The following PTPRD variants were observed in gnomAD, a reference collection of about 807,000 sequenced individuals.
PTPRD encodes protein tyrosine phosphatase receptor type D, also known as receptor-type tyrosine-protein phosphatase delta.
PTPRD carries 34 observed loss-of-function variants against 214.5 expected under a neutral mutation model. The observed-to-expected ratio is 0.16, with a 90% CI of 0.12 to 0.21. The LOEUF (loss-of-function observed/expected upper bound fraction) is 0.21, where lower values mean the gene tolerates loss of function less well. Among genes scored for constraint, PTPRD ranks in the 10% least tolerant of loss-of-function variants. The probability of loss-of-function intolerance (pLI) is 1.00; values close to 1 mark genes in which losing one functional copy is unlikely to be tolerated. For synonymous variants in PTPRD, 1,128 were observed against 845.7 expected, an observed-to-expected ratio of 1.33 and a Z score of -5.79; for missense variants, 2,545 against 2,398.7, an observed-to-expected ratio of 1.06 and a Z score of -1.27.
intron 7 of PTPRD, among the ~76,000 whole-genome samples, chr9:9,724,230 T>G (rs148473016): frequency 6.6e-6 from 1 of 152,174 alleles, no homozygotes; most frequent in Non-Finnish European, 1.5e-5. Context: ...TCAATGTACC[T>G]GTTCTTTTTT....
At chr9:9,482,827 G>A (rs564499621) in intron 8 of PTPRD, among the ~76,000 whole-genome samples, 19 of 152,204 alleles carry the variant, frequency 1.2e-4, no homozygotes, top group African/African-American at 4.3e-4. Context: ...TTTACTGAAG[G>A]ATTTAAATAG....
chr9:10,144,574 A>C (rs540182869), intron 3 of PTPRD, among the ~76,000 whole-genome samples: 2 of 152,212 alleles, frequency 1.3e-5, no homozygotes, highest in South Asian at 4.1e-4. Context: ...CCACACTCTC[A>C]TTAAAACAAT....
At chr9:9,655,784 C>A (rs1161848521) in intron 7 of PTPRD, among the ~76,000 whole-genome samples, 2 of 151,112 alleles carry the variant, frequency 1.3e-5, no homozygotes, top group African/African-American at 4.9e-5. Flanking sequence ...TTGAGACCAA[C>A]CTGGCCAGTA....
At chr9:10,134,257 C>G (rs910494449) in intron 3 of PTPRD, among the ~76,000 whole-genome samples, 1 of 152,130 alleles carries the variant, frequency 6.6e-6, no homozygotes, top group Non-Finnish European at 1.5e-5. Flanking sequence ...ATCTTTGGCT[C>G]TGGCTGCCCC....
intron 7 of PTPRD, among the ~76,000 whole-genome samples, chr9:9,683,538 T>G (rs1478146274): frequency 1.3e-5 from 2 of 151,576 alleles, no homozygotes; most frequent in Non-Finnish European, 3.0e-5. Context: ...GAAGCGACAA[T>G]GCATATAAAG....
chr9:9,504,686 C>G (rs2154233828), intron 8 of PTPRD, among the ~76,000 whole-genome samples: 1 of 151,590 alleles, frequency 6.6e-6, no homozygotes, highest in East Asian at 1.9e-4. Context: ...AAAACGCATC[C>G]AAGTCTGAAA....
In PTPRD at chr9:8,612,107, G is replaced by T. The variant is rs188412753; in HGVS notation, c.352+21210C>A. Among the ~76,000 whole-genome samples the T allele has an allele frequency of 3.4e-4, 51 of 151,462 alleles. No homozygotes were observed. In the East Asian group the frequency reaches 8.2e-3, roughly 24 times the overall value. Reference sequence around the variant, plus strand: ...CCTAAATATCAAGACCTTGTGAAAAGAAAAGAAAACAAAACAAAACAAAAC... The same window carrying T: ...CCTAAATATCAAGACCTTGTGAAAATAAAAGAAAACAAAACAAAACAAAAC... On this transcript the variant is annotated intron_variant, in intron 14 of 45. Transcript: ENST00000381196.
chr9:10,195,602 T>G (rs559597804), intron 3 of PTPRD, among the ~76,000 whole-genome samples: 1 of 152,204 alleles, frequency 6.6e-6, no homozygotes, highest in African/African-American at 2.4e-5. Flanking sequence ...CAGGTCAACT[T>G]TAGTATAAGG....
At chr9:9,866,539 G>A (rs1469693860) in intron 5 of PTPRD, among the ~76,000 whole-genome samples, 3 of 152,010 alleles carry the variant, frequency 2.0e-5, no homozygotes, top group Non-Finnish European at 4.4e-5. Flanking sequence ...CAGGTAATAA[G>A]ATTAGTTATA....
At chr9:9,106,668 T>C (rs1445434444) in intron 10 of PTPRD, among the ~76,000 whole-genome samples, 3 of 141,180 alleles carry the variant, frequency 2.1e-5, no homozygotes, top group East Asian at 4.2e-4. Flanking sequence ...CTAAGTTTAA[T>C]AGGTGTATAA....
intron 11 of PTPRD, among the ~76,000 whole-genome samples, chr9:8,857,400 T>A (rs1467224189): frequency 6.6e-6 from 1 of 152,064 alleles, no homozygotes; most frequent in Non-Finnish European, 1.5e-5. Context: ...TAGAGTCGCC[T>A]CTCTCCCGGG....
chr9:9,494,659 GAGA>G lies in PTPRD; in HGVS notation c.-237+80070_-237+80072del, dbSNP rs148761579. On this transcript the variant is annotated intron_variant, in intron 8 of 45. Coordinates refer to ENST00000381196, the MANE Select transcript of PTPRD (RefSeq NM_002839.4). ...AAAGTAAACTATGAAATATTGTTGAGAGAAGTTTTCAGAAAGAAATAGAAATAT... is the reference window on the plus strand; with the variant it reads ...AAAGTAAACTATGAAATATTGTTGAGAGTTTTCAGAAAGAAATAGAAATAT... 8.7e-3 allele frequency among the ~76,000 whole-genome samples: 1,326 copies of G among 152,332 alleles called. 12 individuals carry two copies. The highest frequency in any genetic ancestry group is 0.011 in the Non-Finnish European group (720 of 68,028).
At chr9:9,105,356 T>C (rs1279225453) in intron 10 of PTPRD, among the ~76,000 whole-genome samples, 1 of 152,214 alleles carries the variant, frequency 6.6e-6, no homozygotes, top group East Asian at 1.9e-4. Flanking sequence ...CTCTTTTCTA[T>C]GCAGATTCTC....
chr9:9,516,255 T>C (rs1224873110), intron 8 of PTPRD, among the ~76,000 whole-genome samples: 4 of 102,376 alleles, frequency 3.9e-5, no homozygotes, highest in Non-Finnish European at 7.0e-5. Context: ...TTAACTCCCA[T>C]CCATATTTAC....
intron 3 of PTPRD, among the ~76,000 whole-genome samples, chr9:10,245,047 C>A (rs192898622): frequency 1.3e-5 from 2 of 152,182 alleles, no homozygotes; most frequent in African/African-American, 4.8e-5. Context: ...TATCTAATTT[C>A]TCAAACAGAA....
chr9:10,400,455 T>C (rs1230251395), intron 2 of PTPRD, among the ~76,000 whole-genome samples: 1 of 151,710 alleles, frequency 6.6e-6, no homozygotes, highest in Admixed American at 6.6e-5. Context: ...TTTTTGCAAA[T>C]TGGTAACAGG....
chr9:8,492,925 C>T lies in PTPRD; in HGVS notation c.2404G>A (p.Ala802Thr), dbSNP rs2136307087. The T allele has an allele frequency of 6.2e-7, 1 of 1,613,860 alleles. No homozygotes were observed. Among genetic ancestry groups the T allele is most frequent in the Non-Finnish European group, 8.5e-7 (1 of 1,179,812 alleles). The change falls in exon 27 of 46, where the codon GCC becomes ACC. Residue 802 changes from alanine (A) to threonine (T), a missense_variant. By Grantham distance (58) the Ala-to-Thr change is moderately conservative. Coordinates refer to ENST00000381196, the MANE Select transcript of PTPRD (RefSeq NM_002839.4). The stretch of plus-strand genomic sequence containing the variant: ...GCACCATCTCCTTTGGTTGTGTAGG[C>T]TGTGACGGTGAGGGAGTAGGAAGTT... ...PETSYSLTVT[A>T]YTTKGDGARS...
chr9:9,086,644 G>T (rs1355665565), intron 10 of PTPRD, among the ~76,000 whole-genome samples: 1 of 152,170 alleles, frequency 6.6e-6, no homozygotes, highest in Non-Finnish European at 1.5e-5. Flanking sequence ...GGAAATATAG[G>T]TGGCTGAATT....
At chr9:9,142,531 G>A (rs1023378398) in intron 10 of PTPRD, among the ~76,000 whole-genome samples, 1 of 152,172 alleles carries the variant, frequency 6.6e-6, no homozygotes, top group Non-Finnish European at 1.5e-5. Flanking sequence ...AGTTAGCAGT[G>A]ACTTATGTTC....
Sources: allele counts gnomAD v4.1 joint callset (sites outside exome capture counted in the v4.1 genomes callset), GRCh38; gene constraint gnomAD v4.1.1; transcripts MANE v1.5; gene names NCBI Gene and HGNC (gene_info 2026-07-23, HGNC 2026-07-21).